Variants in CS observed in about 807,000 individuals in gnomAD.
The protein encoded by CS is citrate synthase.
A neutral mutation model predicts 61.4 loss-of-function variants in CS; 13 were observed. The ratio of observed to expected loss-of-function variants is 0.21; its 90% CI spans 0.14 to 0.34. The LOEUF (loss-of-function observed/expected upper bound fraction) is 0.34, where lower values mean the gene tolerates loss of function less well. Ranked by LOEUF, CS falls within the 10% of genes least tolerant of loss-of-function variation. The probability of loss-of-function intolerance (pLI) is 1.00; values close to 1 mark genes in which losing one functional copy is unlikely to be tolerated. For synonymous variants in CS, 159 were observed against 215.2 expected, an observed-to-expected ratio of 0.74 and a Z score of 2.29; for missense variants, 278 against 573.4, an observed-to-expected ratio of 0.48 and a Z score of 5.26.
intron 1 of CS, chr12:56,298,473 A>G (rs921981063): frequency 5.1e-5 from 12 of 233,840 alleles, no homozygotes; most frequent in African/African-American, 2.8e-4. Flanking sequence ...GGTAAATCCC[A>G]AGGCTTTTTC....
chr12:56,286,340 G>A (rs1277594439), intron 2 of CS: 43 of 534,458 alleles, frequency 8.0e-5, no homozygotes, highest in Non-Finnish European at 4.9e-5. Flanking sequence ...TTTATGTTAT[G>A]TATATTTTAC....
In CS at chr12:56,282,979, G is replaced by A. The variant is rs1240930887; in HGVS notation, c.280C>T (p.Arg94Ter). 8.7e-6 allele frequency: 14 copies of A among 1,613,988 alleles called. No individual in the cohort carries two copies. Among genetic ancestry groups the A allele is most frequent in the Non-Finnish European group, 1.2e-5 (14 of 1,180,024 alleles). ...VLDPDEGIRF[R>*]GFSIPECQKL... ...TGGCATTCAGGGATACTAAAGCCTC[G>A]GAAACGGATGCCCTTGAGAGAGGAG... The change falls in exon 5 of 11, where the codon CGA becomes TGA. Residue 94 changes from arginine to a stop codon, truncating the protein, a stop_gained. Transcript: ENST00000351328. LOFTEE classifies it high-confidence loss of function.
In CS at chr12:56,273,784, A is replaced by G; in HGVS notation, c.1033T>C (p.Tyr345His). 6.2e-7 allele frequency: 1 copy of G among 1,613,782 alleles called. No individual in the cohort carries two copies. ...GTCTTCCTTAGTACTGCATGGCCAT[A>G]GCCTGGAACAACCTGTAAAGAGTGA... ...TLNSGRVVPG[Y>H]GHAVLRKTDP... The change falls in exon 10 of 11, where the codon TAT (tyrosine) becomes CAT (histidine). Residue 345 changes from tyrosine (Y) to histidine (H), a missense_variant. Physicochemically the swap from Tyr to His is moderately conservative, Grantham distance 83. Coordinates refer to ENST00000351328, the MANE Select transcript of CS (RefSeq NM_004077.3).
chr12:56,285,143 A>G (rs931506410), intron 3 of CS: 15 of 237,928 alleles, frequency 6.3e-5, no homozygotes, highest in Non-Finnish European at 1.3e-4. Context: ...ACGGAGTTTT[A>G]CCATGTTGGC....
intron 1 of CS, chr12:56,299,941 G>A (rs1180275922): frequency 2.0e-6 from 1 of 497,594 alleles, no homozygotes; most frequent in Non-Finnish European, 3.6e-6. Context: ...CTGGACTGCG[G>A]GCCGAGGGCG....
chr12:56,286,508 A>T, intron 2 of CS, 87 bp downstream of exon 2: 2 of 1,046,344 alleles, frequency 1.9e-6, no homozygotes, highest in Non-Finnish European at 1.5e-6. Flanking sequence ...CAGGATAATA[A>T]GAGGCCAGGT....
Position 56,286,643 on chromosome 12 carries a change from A to G in CS, c.45T>C (p.Asn15=). ...TAAARLLGTK[N]ASCLVLAARH... ...GGGCTGCAAGAACAAGACAAGATGC[A>G]TTCTGCAAAGCAAAAAAGAGAACCT... The change falls in exon 2 of 11, where the codon AAT becomes AAC. Residue 15 remains asparagine (N), a splice_region_variant and synonymous_variant. Coordinates refer to ENST00000351328, the MANE Select transcript of CS (RefSeq NM_004077.3). The G allele has an allele frequency of 6.2e-7, 1 of 1,613,980 alleles. No individual in the cohort carries two copies. The highest frequency in any genetic ancestry group is 8.5e-7 in the Non-Finnish European group (1 of 1,179,880).
At chr12:56,292,527 C>T (rs1461613637) in intron 1 of CS, among the ~76,000 whole-genome samples, 1 of 151,904 alleles carries the variant, frequency 6.6e-6, no homozygotes, top group African/African-American at 2.4e-5. Context: ...GACCCTGTCT[C>T]CTTTGCTCGG....
chr12:56,281,854 A>G (rs1872785779), intron 6 of CS, among the ~76,000 whole-genome samples: 1 of 152,056 alleles, frequency 6.6e-6, no homozygotes, highest in South Asian at 2.1e-4. Flanking sequence ...CCTCTGTTAC[A>G]GCAAGACTAT....
At chr12:56,291,184 A>G (rs1189832293) in intron 1 of CS, 1 of 1,076,540 alleles carries the variant, frequency 9.3e-7, no homozygotes, top group Non-Finnish European at 1.2e-6. Context: ...TTCAGTAAAT[A>G]TTTGTTTCTT....
intron 1 of CS, among the ~76,000 whole-genome samples, chr12:56,289,540 T>A (rs1873049731): frequency 6.6e-6 from 1 of 152,038 alleles, no homozygotes; most frequent in Admixed American, 6.6e-5. Flanking sequence ...CCTCCAAGGT[T>A]CAACACCATT....
At chr12:56,289,458 T>C (rs919385446) in intron 1 of CS, among the ~76,000 whole-genome samples, 2 of 152,082 alleles carry the variant, frequency 1.3e-5, no homozygotes, top group African/African-American at 4.8e-5. Flanking sequence ...AATTTTTTTT[T>C]TTGAGACGGA....
At chr12:56,293,181 A>T (rs892128012) in intron 1 of CS, among the ~76,000 whole-genome samples, 22 of 152,168 alleles carry the variant, frequency 1.4e-4, no homozygotes, top group African/African-American at 5.3e-4. Flanking sequence ...GCCTATTACC[A>T]TCACTGTTCC....
intron 6 of CS, among the ~76,000 whole-genome samples, chr12:56,276,892 C>G (rs1297485270): frequency 2.0e-5 from 3 of 152,038 alleles, no homozygotes; most frequent in African/African-American, 7.2e-5. Flanking sequence ...ACTTGACGTT[C>G]AATGTGTTAA....
At chr12:56,274,407 TC>T (rs1183383366) in intron 9 of CS, 1 of 172,612 alleles carries the variant, frequency 5.8e-6, no homozygotes, top group Non-Finnish European at 1.2e-5. Flanking sequence ...CACCCTGGAC[TC>T]CCAAAGTGCT....
intron 3 of CS, chr12:56,285,351 T>C: frequency 2.9e-6 from 1 of 349,884 alleles, no homozygotes; most frequent in Non-Finnish European, 6.0e-6. Context: ...GGCATAATCA[T>C]GGCTCACTGC....
chr12:56,273,703 G>C lies in CS; in HGVS notation c.1114C>G (p.Pro372Ala). The change falls in exon 10 of 11, where the codon CCC becomes GCC. Residue 372 changes from proline (P) to alanine (A), a missense_variant. Around this residue, in one of 2 missense-constraint regions of CS, gnomAD observed 223 missense variants for 503.5 expected, o/e 0.44. Coordinates refer to ENST00000351328, the MANE Select transcript of CS (RefSeq NM_004077.3). ...EFALKHLPND[P>A]MFKLVAQLYK... ...AGCTGAGCAACCAACTTAAACATGG[G>C]GTCATTAGGCAGGTGTTTCAGAGCA... 1 of 1,614,124 alleles carries C rather than the reference G, an allele frequency of 6.2e-7. No homozygotes were observed. The highest frequency in any genetic ancestry group is 8.5e-7 in the Non-Finnish European group (1 of 1,180,012).
intron 1 of CS, among the ~76,000 whole-genome samples, chr12:56,289,130 T>C (rs1037674986): frequency 1.3e-5 from 2 of 152,180 alleles, no homozygotes; most frequent in African/African-American, 4.8e-5. Flanking sequence ...GAGGATCACT[T>C]GAGCAAGAAA....
intron 1 of CS, among the ~76,000 whole-genome samples, chr12:56,288,930 G>A (rs1873029953): frequency 6.6e-6 from 1 of 151,978 alleles, no homozygotes; most frequent in South Asian, 2.1e-4. Context: ...CAAAGTGCTG[G>A]GATTACAGGT....
Sources: allele counts gnomAD v4.1 joint callset (sites outside exome capture counted in the v4.1 genomes callset), GRCh38; gene constraint gnomAD v4.1.1; regional missense constraint gnomAD v4.1.1; transcripts MANE v1.5; gene names NCBI Gene and HGNC (gene_info 2026-07-23, HGNC 2026-07-21).